EXOC4: variants seen among roughly 807,000 people sequenced by gnomAD.
EXOC4 encodes SEC8-like 1.
In EXOC4, 71 loss-of-function variants were observed where a neutral mutation model predicts 107.2. The observed-to-expected ratio is 0.66, with a 90% CI of 0.55 to 0.81. The LOEUF (loss-of-function observed/expected upper bound fraction) is 0.81, where lower values mean the gene tolerates loss of function less well. Ranked by LOEUF, EXOC4 falls within the 30% of genes least tolerant of loss-of-function variation. The probability of loss-of-function intolerance (pLI) is 0.00; values close to 1 mark genes in which losing one functional copy is unlikely to be tolerated. For missense variants in EXOC4, 1,108 were observed against 1,189.6 expected (o/e 0.93, Z 1.01); for synonymous variants, 456 against 441.2 (o/e 1.03, Z -0.42).
intron 2 of EXOC4, among the ~76,000 whole-genome samples, chr7:133,288,355 A>G (rs1372274956): frequency 6.6e-6 from 1 of 152,176 alleles, no homozygotes; most frequent in Non-Finnish European, 1.5e-5. Flanking sequence ...AATATTCAGA[A>G]TGCAAGGCAA....
intron 10 of EXOC4, among the ~76,000 whole-genome samples, chr7:133,744,552 T>C (rs1795636217): frequency 6.6e-6 from 1 of 152,176 alleles, no homozygotes; most frequent in Non-Finnish European, 1.5e-5. Flanking sequence ...TAGAAGAGTA[T>C]TGAATTAAAT....
intron 7 of EXOC4, among the ~76,000 whole-genome samples, chr7:133,464,811 G>GTT (rs3046149): frequency 0.035 from 1,795 of 51,244 alleles, 352 homozygotes; most frequent in African/African-American, 0.068. Context: ...GGTTGGGTTG[G>GTT]TTTTTTTTTT....
chr7:133,271,719 G>T (rs930833963), intron 1 of EXOC4, among the ~76,000 whole-genome samples: 1 of 152,216 alleles, frequency 6.6e-6, no homozygotes, highest in Admixed American at 6.5e-5. Flanking sequence ...GGGAACTGAT[G>T]TGAACATGCT....
In EXOC4 at chr7:134,062,598, C is replaced by G. The variant is rs117242188; in HGVS notation, c.2688-1693C>G. Among the ~76,000 whole-genome samples, 505 of 152,310 alleles carry G rather than the reference C, an allele frequency of 3.3e-3. 11 individuals carry two copies. The East Asian group carries it at 0.052, about 16-fold the overall frequency. Reference sequence around the variant, plus strand: ...AGTGCACTGCCTGGTTCTGTCCCCTCGATCTTGGCAAAGTTACCTTTCACG... The same window carrying G: ...AGTGCACTGCCTGGTTCTGTCCCCTGGATCTTGGCAAAGTTACCTTTCACG... On this transcript the variant is annotated intron_variant, in intron 17 of 17. Coordinates refer to ENST00000253861, the MANE Select transcript of EXOC4 (RefSeq NM_021807.4).
intron 9 of EXOC4, among the ~76,000 whole-genome samples, chr7:133,564,118 A>T (rs1800860877): frequency 1.3e-5 from 2 of 152,182 alleles, no homozygotes; most frequent in Non-Finnish European, 2.9e-5. Flanking sequence ...GTAAAGTAAT[A>T]CATGAGACTG....
chr7:133,512,257 C>T (rs1451999585), intron 9 of EXOC4, among the ~76,000 whole-genome samples: 1 of 152,014 alleles, frequency 6.6e-6, no homozygotes, highest in Non-Finnish European at 1.5e-5. Context: ...TGGGGAAACC[C>T]CGTCTCTACA....
intron 14 of EXOC4, among the ~76,000 whole-genome samples, chr7:133,977,911 T>C (rs1793881235): frequency 6.6e-6 from 1 of 152,174 alleles, no homozygotes; most frequent in South Asian, 2.1e-4. Context: ...AAATGTTAAA[T>C]TGAATTAAGT....
chr7:133,799,374 T>C lies in EXOC4; in HGVS notation c.1515-17951T>C, dbSNP rs571951281. On this transcript the variant is annotated intron_variant, in intron 10 of 17. Coordinates refer to ENST00000253861, the MANE Select transcript of EXOC4 (RefSeq NM_021807.4). ...TGGATTGGTGCCTCCCTGTCCTGCA[T>C]ACTGTGGGACACATTCTCATCGAGT... 9.2e-5 allele frequency among the ~76,000 whole-genome samples: 14 copies of C among 152,332 alleles called. 1 individual carries two copies. In the South Asian group the frequency reaches 1.9e-3, roughly 20 times the overall value.
At chr7:133,635,804 C>T (rs1802693772) in intron 10 of EXOC4, among the ~76,000 whole-genome samples, 1 of 152,226 alleles carries the variant, frequency 6.6e-6, no homozygotes, top group African/African-American at 2.4e-5. Flanking sequence ...GGCCTCTTCC[C>T]TGTGCACTGG....
chr7:133,310,462 T>G (rs1794846971), intron 4 of EXOC4, among the ~76,000 whole-genome samples: 1 of 152,256 alleles, frequency 6.6e-6, no homozygotes, highest in Admixed American at 6.5e-5. Context: ...AAAATTCGTT[T>G]CATTATATGC....
chr7:133,955,016 C>T (rs1352640712), intron 14 of EXOC4, among the ~76,000 whole-genome samples: 2 of 152,226 alleles, frequency 1.3e-5, no homozygotes, highest in East Asian at 1.9e-4. Context: ...AGCCCTGGCT[C>T]GGGGAGCTCC....
Position 134,064,922 on chromosome 7 carries a change from A to G in EXOC4, c.*394A>G, listed in dbSNP as rs972253605. On this transcript the variant is annotated 3_prime_UTR_variant, in exon 18 of 18. Transcript: ENST00000253861. ...CTAACTTTTAGTCCCTTCCAAAACCATTTAGTAGGGTTCTATTACATAAAC... is the reference window on the plus strand; with the variant it reads ...CTAACTTTTAGTCCCTTCCAAAACCGTTTAGTAGGGTTCTATTACATAAAC... The G allele has an allele frequency of 6.5e-6, 1 of 153,818 alleles. No individual in the cohort carries two copies. Among genetic ancestry groups the G allele is most frequent in the Non-Finnish European group, 1.5e-5 (1 of 68,948 alleles). 9.5% of individuals were successfully genotyped at this position (153,818 alleles called of 1,614,324 possible).
chr7:133,652,996 T>C (rs1803198653), intron 10 of EXOC4, among the ~76,000 whole-genome samples: 1 of 152,194 alleles, frequency 6.6e-6, no homozygotes, highest in Non-Finnish European at 1.5e-5. Flanking sequence ...GTGACCTATT[T>C]TGGCAATGCT....
intron 17 of EXOC4, among the ~76,000 whole-genome samples, chr7:134,020,906 A>T (rs1795013400): frequency 6.6e-6 from 1 of 152,034 alleles, no homozygotes; most frequent in South Asian, 2.1e-4. Flanking sequence ...GAATGGCGTG[A>T]ACCCAGGAGG....
intron 9 of EXOC4, among the ~76,000 whole-genome samples, chr7:133,494,359 T>C (rs2150878633): frequency 6.6e-6 from 1 of 152,236 alleles, no homozygotes; most frequent in South Asian, 2.1e-4. Flanking sequence ...TTACAGCTGA[T>C]CTGAAAGGGA....
chr7:134,064,218 C>A, intron 17 of EXOC4, 73 bp from the exon 18 acceptor site: 1 of 951,774 alleles, frequency 1.1e-6, no homozygotes, highest in Non-Finnish European at 1.5e-6. Context: ...AATGTATAGA[C>A]AGCGTATTTG....
chr7:133,434,492 A>G (rs1797924158), intron 7 of EXOC4, among the ~76,000 whole-genome samples: 2 of 152,094 alleles, frequency 1.3e-5, no homozygotes, highest in Admixed American at 1.3e-4. Context: ...TCTTTCTGTT[A>G]CTACAAACTT....
chr7:134,057,376 C>T (rs200635845), intron 17 of EXOC4, among the ~76,000 whole-genome samples: 6 of 148,536 alleles, frequency 4.0e-5, no homozygotes. Flanking sequence ...AAAAAAAAAA[C>T]AAAAAACTGT....
chr7:133,709,846 G>A (rs1286646144), intron 10 of EXOC4, among the ~76,000 whole-genome samples: 2 of 152,080 alleles, frequency 1.3e-5, no homozygotes, highest in Non-Finnish European at 2.9e-5. Flanking sequence ...ATTTTTGTGA[G>A]TAAAGCACTT....
Sources: allele counts gnomAD v4.1 joint callset (sites outside exome capture counted in the v4.1 genomes callset), GRCh38; gene constraint gnomAD v4.1.1; transcripts MANE v1.5; gene names NCBI Gene and HGNC (gene_info 2026-07-23, HGNC 2026-07-21).